Variants in DLGAP2 observed in about 807,000 individuals in gnomAD.
DLGAP2 encodes DLG associated protein 2.
Under a neutral mutation model 100.3 loss-of-function variants are expected in DLGAP2, and 26 were observed. The ratio of observed to expected loss-of-function variants is 0.26; its 90% CI spans 0.19 to 0.36. The LOEUF is 0.36. DLGAP2 is among the 10% of genes least tolerant of loss of function. DLGAP2 has a pLI of 1.00. For missense variants in DLGAP2, 1,858 were observed against 1,453.2 expected (o/e 1.28, Z -4.53); for synonymous variants, 886 against 630.1 (o/e 1.41, Z -6.08).
intron 2 of DLGAP2, among the ~76,000 whole-genome samples, chr8:941,981 T>C (rs1799207375): frequency 6.6e-6 from 1 of 152,164 alleles, no homozygotes; most frequent in Non-Finnish European, 1.5e-5. Flanking sequence ...ATGTTTTTGT[T>C]GTCTCTCTTT....
chr8:1,482,288 T>C (rs185400270), intron 3 of DLGAP2, among the ~76,000 whole-genome samples: 3 of 152,342 alleles, frequency 2.0e-5, no homozygotes, highest in Non-Finnish European at 4.4e-5. Context: ...TGCTTCTTGA[T>C]AGCTGGGCAG....
At chr8:1,262,485 C>T (rs920618244) in intron 3 of DLGAP2, 14 of 152,052 alleles carry the variant, frequency 9.2e-5, no homozygotes, top group Admixed American at 2.0e-4. Context: ...TTTTAGTTAA[C>T]GAGGGTCTGG....
chr8:1,270,263 A>G (rs1799553795), intron 3 of DLGAP2, among the ~76,000 whole-genome samples: 1 of 152,204 alleles, frequency 6.6e-6, no homozygotes, highest in Non-Finnish European at 1.5e-5. Context: ...GACTTGGATC[A>G]ACAGAGGAGC....
chr8:1,040,751 A>T (rs1226679678), intron 2 of DLGAP2, among the ~76,000 whole-genome samples: 1 of 152,074 alleles, frequency 6.6e-6, no homozygotes, highest in Non-Finnish European at 1.5e-5. Context: ...GAAGAGGTGC[A>T]TATGAGGGGA....
At chr8:1,455,886 G>A (rs1451228721) in intron 3 of DLGAP2, among the ~76,000 whole-genome samples, 2 of 152,194 alleles carry the variant, frequency 1.3e-5, no homozygotes, top group South Asian at 2.1e-4. Flanking sequence ...CTTGTTCACT[G>A]TCTCGGCCTC....
chr8:1,516,483 A>G, intron 4 of DLGAP2, among the ~76,000 whole-genome samples: 1 of 139,938 alleles, frequency 7.1e-6, no homozygotes, highest in East Asian at 2.2e-4. Flanking sequence ...GACTGAGTGA[A>G]AGAGTACATG....
At chr8:1,050,048 A>G (rs1476560970) in intron 2 of DLGAP2, among the ~76,000 whole-genome samples, 1 of 152,128 alleles carries the variant, frequency 6.6e-6, no homozygotes, top group African/African-American at 2.4e-5. Context: ...ACATGCTGTC[A>G]CACACATGTA....
intron 3 of DLGAP2, among the ~76,000 whole-genome samples, chr8:1,447,260 A>G (rs1798006741): frequency 6.6e-6 from 1 of 152,326 alleles, no homozygotes; most frequent in African/African-American, 2.4e-5. Context: ...ATTTTGGGAT[A>G]CATCCCATCT....
chr8:1,669,859 G>C (rs1486551858), intron 10 of DLGAP2, 75 bp downstream of exon 10: 8 of 777,634 alleles, frequency 1.0e-5, no homozygotes, highest in African/African-American at 1.7e-5. Context: ...ATGTTCATGC[G>C]ACCGCTCTTG....
intron 1 of DLGAP2, among the ~76,000 whole-genome samples, chr8:774,445 A>T (rs1439785931): frequency 2.6e-5 from 4 of 152,192 alleles, no homozygotes; most frequent in South Asian, 2.1e-4. Context: ...CTGAATGGCA[A>T]TGCCTAGGTT....
chr8:955,599 G>A (rs1337824456), intron 2 of DLGAP2, among the ~76,000 whole-genome samples: 2 of 152,034 alleles, frequency 1.3e-5, no homozygotes, highest in African/African-American at 2.4e-5. Flanking sequence ...TTTATAATAC[G>A]TGGGATCTAC....
chr8:1,078,990 A>T (rs1462233756), intron 2 of DLGAP2, among the ~76,000 whole-genome samples: 3 of 152,240 alleles, frequency 2.0e-5, no homozygotes, highest in African/African-American at 7.2e-5. Context: ...ATGGTTCTCC[A>T]ATTTGGCTGC....
At chr8:1,269,353 A>ACCAC (rs150751870) in intron 3 of DLGAP2, among the ~76,000 whole-genome samples, 163 of 152,208 alleles carry the variant, frequency 1.1e-3, no homozygotes, top group African/African-American at 3.8e-3. Flanking sequence ...TGCTGGAAAG[A>ACCAC]CCGCCCCGTG....
At chr8:1,675,563 T>C (rs766632636) in intron 10 of DLGAP2, among the ~76,000 whole-genome samples, 2 of 152,210 alleles carry the variant, frequency 1.3e-5, no homozygotes, top group Admixed American at 6.5e-5. Context: ...AACTCAAATG[T>C]TAACGTGCAG....
At chr8:1,641,171 G>A (rs896882622) in intron 8 of DLGAP2, among the ~76,000 whole-genome samples, 2 of 152,210 alleles carry the variant, frequency 1.3e-5, no homozygotes, top group East Asian at 1.9e-4. Flanking sequence ...TGACACCTCT[G>A]TCTAGAACAG....
intron 1 of DLGAP2, among the ~76,000 whole-genome samples, chr8:876,237 C>T (rs1022710680): frequency 3.3e-5 from 5 of 152,036 alleles, no homozygotes; most frequent in Non-Finnish European, 5.9e-5. Flanking sequence ...CTTAATTTTT[C>T]ATGTGGATTT....
chr8:1,230,080 T>A (rs567334767), intron 2 of DLGAP2, among the ~76,000 whole-genome samples: 39 of 151,874 alleles, frequency 2.6e-4, no homozygotes, highest in African/African-American at 9.2e-4. Flanking sequence ...CTATTTGTCT[T>A]CACAGATGAT....
At chr8:1,589,004 A>G (rs998119766) in intron 6 of DLGAP2, among the ~76,000 whole-genome samples, 2 of 152,198 alleles carry the variant, frequency 1.3e-5, no homozygotes, top group Admixed American at 6.5e-5. Context: ...ACATTCAGGT[A>G]TTTGAGCAAA....
intron 1 of DLGAP2, among the ~76,000 whole-genome samples, chr8:831,043 G>C (rs1796772681): frequency 6.6e-6 from 1 of 151,824 alleles, no homozygotes; most frequent in South Asian, 2.1e-4. Context: ...TTACAGGCAT[G>C]GGCCACCATA....
Sources: gnomAD v4.1 joint callset for allele counts (sites outside exome capture counted in the v4.1 genomes callset) on GRCh38, gnomAD v4.1.1 for gene constraint, MANE v1.5 for transcripts, NCBI Gene and HGNC (gene_info 2026-07-23, HGNC 2026-07-21) for gene names.